The following DISP3 variants were observed in gnomAD, a reference collection of about 807,000 sequenced individuals.
DISP3 encodes the protein protein dispatched homolog 3.
DISP3 carries 101 observed loss-of-function variants against 135.3 expected under a neutral mutation model. That is an observed-to-expected ratio of 0.75 (90% CI 0.64 to 0.88). DISP3 has a LOEUF of 0.88. DISP3 is among the 40% of genes least tolerant of loss of function. The pLI is 0.00. For missense variants in DISP3, 1,713 were observed against 1,878.6 expected (o/e 0.91, Z 1.63); for synonymous variants, 856 against 817.0 (o/e 1.05, Z -0.81).
At chr1:11,507,034 C>A (rs555779196) in intron 3 of DISP3, among the ~76,000 whole-genome samples, 21 of 152,176 alleles carry the variant, frequency 1.4e-4, no homozygotes, top group Non-Finnish European at 2.9e-4. Context: ...TCTCAAACTC[C>A]TGGCCTCAAG....
intron 12 of DISP3, 87 bp downstream of exon 12, chr1:11,525,399 A>G (rs1642384981): frequency 6.9e-7 from 1 of 1,442,958 alleles, no homozygotes; most frequent in Non-Finnish European, 9.2e-7. Context: ...GCCCTGGCCA[A>G]TAGGGAGGGA....
In DISP3 at chr1:11,501,611, A is replaced by AC. The variant is rs761336087; in HGVS notation, c.623dup (p.Pro209AlafsTer11). 17 of 1,603,092 alleles carry AC rather than the reference A, an allele frequency of 1.1e-5. No individual in the cohort carries two copies. The highest frequency in any genetic ancestry group is 1.7e-4 in the Middle Eastern group (1 of 6,018). On this transcript the variant is annotated frameshift_variant, in exon 2 of 21. Coordinates refer to ENST00000294484, the MANE Select transcript of DISP3 (RefSeq NM_020780.2). LOFTEE classifies it high-confidence loss of function. The surrounding 1 kb of genome is among the most constrained non-coding windows in gnomAD (Gnocchi z 4.9). The stretch of plus-strand genomic sequence containing the variant: ...TCGGAGCGGGCGACTTCGGCGTGAG[A>AC]CCCCGCCCCTGGAGGATCTGGCAGC...
At chr1:11,533,210 A>G (rs1642617210) in intron 17 of DISP3, among the ~76,000 whole-genome samples, 1 of 146,366 alleles carries the variant, frequency 6.8e-6, no homozygotes, top group African/African-American at 2.5e-5. Context: ...TGGGGGCCTC[A>G]TGTGAATGGA....
intron 1 of DISP3, among the ~76,000 whole-genome samples, chr1:11,494,885 C>T (rs1301010227): frequency 6.6e-6 from 1 of 152,046 alleles, no homozygotes; most frequent in Admixed American, 6.5e-5. Context: ...CATCCTTTGC[C>T]AGAGGAGGGA....
At chr1:11,511,018 T>G (rs1641841467) in intron 3 of DISP3, among the ~76,000 whole-genome samples, 1 of 152,192 alleles carries the variant, frequency 6.6e-6, no homozygotes, top group Non-Finnish European at 1.5e-5. Context: ...ATGAGACTTA[T>G]TCACTACCAT....
intron 5 of DISP3, among the ~76,000 whole-genome samples, chr1:11,515,792 G>T (rs1303753157): frequency 6.6e-6 from 1 of 152,136 alleles, no homozygotes; most frequent in Non-Finnish European, 1.5e-5. Flanking sequence ...CTCTGGGTGA[G>T]GTTGGGGCCA....
intron 1 of DISP3, among the ~76,000 whole-genome samples, chr1:11,493,314 C>A (rs1242564804): frequency 1.3e-5 from 2 of 152,228 alleles, no homozygotes. Context: ...CAAGCTCTAG[C>A]AGTCAACAAA....
chr1:11,507,651 C>T (rs751588204), intron 3 of DISP3, among the ~76,000 whole-genome samples: 10 of 152,226 alleles, frequency 6.6e-5, no homozygotes, highest in African/African-American at 9.6e-5. Flanking sequence ...CTTACCTTTC[C>T]TAGGTTCTTT....
At chr1:11,534,744 C>A in intron 18 of DISP3, 1 of 804,774 alleles carries the variant, frequency 1.2e-6, no homozygotes, top group Non-Finnish European at 2.0e-6. Flanking sequence ...GTTCTCTGAT[C>A]TGGACTTTGG....
chr1:11,501,693 C>G lies in DISP3; in HGVS notation c.701C>G (p.Pro234Arg). The part of the protein sequence containing the change: ...QRLSKNGRYQ[P>R]SIPPHAAVAA... ...CTGAGCAAGAATGGGCGGTACCAGC[C>G]CAGCATCCCGCCCCACGCGGCAGTC... is the stretch of plus-strand genomic sequence containing the variant. Residue 234 changes from proline to arginine, a missense_variant, in exon 2 of 21, where the codon CCC (proline) becomes CGC (arginine). Pro to Arg is a moderately radical substitution (Grantham distance 103, BLOSUM62 -2). Around this residue, in one of 2 missense-constraint regions of DISP3, gnomAD observed 571 missense variants for 494.1 expected, o/e 1.16. Transcript: ENST00000294484. The surrounding 1 kb of genome is among the most constrained non-coding windows in gnomAD (Gnocchi z 4.9). The G allele has an allele frequency of 6.2e-7, 1 of 1,603,194 alleles. No homozygotes were observed. Among genetic ancestry groups the G allele is most frequent in the African/African-American group, 1.3e-5 (1 of 74,916 alleles).
intron 1 of DISP3, among the ~76,000 whole-genome samples, chr1:11,490,813 C>T (rs1331265360): frequency 3.9e-5 from 6 of 152,092 alleles, no homozygotes; most frequent in Non-Finnish European, 8.8e-5. Context: ...CTGTAAGCAG[C>T]CTTGTAGGGT....
chr1:11,532,662 A>G (rs1642605101), intron 17 of DISP3, among the ~76,000 whole-genome samples: 1 of 152,172 alleles, frequency 6.6e-6, no homozygotes. Context: ...CTGTGGTAAA[A>G]TATACATAAG....
At chr1:11,522,858 G>A (rs1459476332) in intron 10 of DISP3, among the ~76,000 whole-genome samples, 2 of 51,830 alleles carry the variant, frequency 3.9e-5, no homozygotes, top group African/African-American at 2.0e-4. Context: ...AGCCCAGCCA[G>A]GACCCAGCCA....
At chr1:11,526,170 A>G (rs1642411983) in intron 12 of DISP3, among the ~76,000 whole-genome samples, 1 of 152,090 alleles carries the variant, frequency 6.6e-6, no homozygotes, top group Non-Finnish European at 1.5e-5. Context: ...TGCAGTTCCC[A>G]CTGCCTGAAA....
chr1:11,536,955 A>C lies in DISP3; in HGVS notation c.*269A>C. ...GGCAGAAGAGACCAGCCCTCCTCCCATGCCCGGTCACCATGGGGGTCAGGT... is the reference window on the plus strand; with the variant it reads ...GGCAGAAGAGACCAGCCCTCCTCCCCTGCCCGGTCACCATGGGGGTCAGGT... On this transcript the variant is annotated 3_prime_UTR_variant, in exon 21 of 21. Transcript: ENST00000294484. This position sits in a 1 kb window ranked among gnomAD's most constrained non-coding sequence, Gnocchi z 4.3. 1.0e-4 allele frequency: 50 copies of C among 489,854 alleles called. No homozygotes were observed. The highest frequency in any genetic ancestry group is 1.5e-4 in the Admixed American group (4 of 26,892). The allele number at this position is 489,854 out of a possible 1,614,324, so 30.3% of individuals were successfully genotyped here. A position where few individuals can be genotyped will look rare whatever the true frequency, so the allele number is the denominator to read the frequency against.
intron 11 of DISP3, among the ~76,000 whole-genome samples, chr1:11,524,818 C>T (rs1257374482): frequency 5.6e-5 from 6 of 106,378 alleles, no homozygotes; most frequent in African/African-American, 2.3e-4. Flanking sequence ...CCTGTGCCTA[C>T]CATCTCCCCC....
intron 3 of DISP3, among the ~76,000 whole-genome samples, chr1:11,508,122 A>G (rs1641756380): frequency 6.6e-6 from 1 of 152,200 alleles, no homozygotes; most frequent in South Asian, 2.1e-4. Context: ...CCTCACCACC[A>G]TCAAGACAGT....
intron 17 of DISP3, among the ~76,000 whole-genome samples, 169 bp from the exon 18 acceptor site, chr1:11,534,212 G>A (rs890528033): frequency 5.9e-5 from 9 of 152,226 alleles, no homozygotes; most frequent in African/African-American, 1.9e-4. Flanking sequence ...ACAACCACAT[G>A]ATGCCTCCAG....
intron 13 of DISP3, among the ~76,000 whole-genome samples, chr1:11,528,828 G>A (rs566191448): frequency 6.6e-6 from 1 of 152,344 alleles, no homozygotes; most frequent in South Asian, 2.1e-4. Context: ...GCTAGCTTTG[G>A]AGTGTCAAAC....
Sources: gnomAD v4.1 joint callset for allele counts (sites outside exome capture counted in the v4.1 genomes callset) on GRCh38, gnomAD v4.1.1 for gene constraint, gnomAD v4.1.1 regional missense constraint, Gnocchi (gnomAD v3.1) non-coding constraint, MANE v1.5 for transcripts, NCBI Gene and HGNC (gene_info 2026-07-23, HGNC 2026-07-21) for gene names.